EYS: variants seen among roughly 807,000 people sequenced by gnomAD.
The protein encoded by EYS is protein eyes shut homolog.
EYS carries 250 observed loss-of-function variants against 282.1 expected under a neutral mutation model. The observed-to-expected ratio is 0.89, with a 90% CI of 0.80 to 0.98. The LOEUF (loss-of-function observed/expected upper bound fraction) is 0.98. Ranked by LOEUF, EYS falls within the 50% of genes least tolerant of loss-of-function variation. EYS has a pLI of 0.00. For synonymous variants in EYS, 1,355 were observed against 1,282.9 expected (o/e 1.06, Z -1.20); for missense variants, 4,016 against 3,709.0 (o/e 1.08, Z -2.15).
rs1773716850 is a variant in EYS, at chr6:63,903,994, C to T, written c.7056-39636G>A. Among the ~76,000 whole-genome samples, 4 of 152,286 alleles carry T rather than the reference C, an allele frequency of 2.6e-5. No homozygotes were observed. In the Middle Eastern group the frequency reaches 0.01, roughly 388 times the overall value. ...TTTCTACATATAGCCCTCCTCCTGC[C>T]AAAAGCTTACTTTAAGGCAAAGATA... On this transcript the variant is annotated intron_variant, in intron 35 of 42. Transcript: ENST00000503581.
chr6:65,706,180 T>A (rs1441576655), intron 1 of EYS, among the ~76,000 whole-genome samples: 2 of 150,108 alleles, frequency 1.3e-5, no homozygotes, highest in Non-Finnish European at 3.0e-5. Flanking sequence ...ATGATATAGA[T>A]GATATGAGTA....
intron 12 of EYS, among the ~76,000 whole-genome samples, chr6:65,192,332 A>AGTGTG (rs1765663348): frequency 1.0e-5 from 1 of 97,448 alleles, no homozygotes; most frequent in Non-Finnish European, 2.2e-5. Flanking sequence ...TGTGTGTATA[A>AGTGTG]TGTGTGGTAT....
At chr6:63,765,714 G>T (rs1769771392) in intron 40 of EYS, among the ~76,000 whole-genome samples, 1 of 151,948 alleles carries the variant, frequency 6.6e-6, no homozygotes, top group South Asian at 2.1e-4. Context: ...TAGTCACCCT[G>T]TTGTGCTATC....
At chr6:65,422,938 T>C (rs1427229256) in intron 5 of EYS, among the ~76,000 whole-genome samples, 1 of 151,694 alleles carries the variant, frequency 6.6e-6, no homozygotes, top group Non-Finnish European at 1.5e-5. Context: ...AAACTTAAAA[T>C]TACCTAAATT....
chr6:63,909,018 G>A (rs12529599), intron 35 of EYS, among the ~76,000 whole-genome samples: 1 of 151,750 alleles, frequency 6.6e-6, no homozygotes, highest in Non-Finnish European at 1.5e-5. Flanking sequence ...CTGGATTATT[G>A]GCTGTGCTTA....
intron 10 of EYS, among the ~76,000 whole-genome samples, chr6:65,337,944 C>T (rs1226642753): frequency 6.6e-6 from 1 of 150,596 alleles, no homozygotes; most frequent in Non-Finnish European, 1.5e-5. Flanking sequence ...ATGTGCTTTC[C>T]CTTTTATTTT....
intron 22 of EYS, among the ~76,000 whole-genome samples, chr6:64,812,037 G>T (rs747237479): frequency 6.6e-6 from 1 of 151,856 alleles, no homozygotes; most frequent in Non-Finnish European, 1.5e-5. Flanking sequence ...AGAAATATAC[G>T]TTCAATTTAT....
In EYS at chr6:63,788,272, A is replaced by G. The variant is rs1408361653; in HGVS notation, c.7579-23T>C. On this transcript the variant is annotated intron_variant, in intron 38 of 42. Coordinates refer to ENST00000503581, the MANE Select transcript of EYS (RefSeq NM_001142800.2). ...TACCTTCGAAAGGGAAAAAAAACCT[A>G]TTAAAAAAGGAATTAATTCCCCAGG... 2.0e-6 allele frequency: 3 copies of G among 1,501,412 alleles called. No individual in the cohort carries two copies. The African/African-American group carries it at 4.3e-5, about 21-fold the overall frequency. The allele number at this position is 1,501,412 out of a possible 1,614,324, so 93.0% of individuals were successfully genotyped here. A position where few individuals can be genotyped will look rare whatever the true frequency, so the allele number is the denominator to read the frequency against.
chr6:65,557,491 G>C (rs1768862772), intron 2 of EYS, among the ~76,000 whole-genome samples: 1 of 152,212 alleles, frequency 6.6e-6, no homozygotes, highest in Non-Finnish European at 1.5e-5. Flanking sequence ...TCCAGAGGAG[G>C]AGAACGCAGT....
At chr6:65,038,719 G>T (rs982925833) in intron 13 of EYS, among the ~76,000 whole-genome samples, 6 of 151,324 alleles carry the variant, frequency 4.0e-5, no homozygotes, top group African/African-American at 1.5e-4. Context: ...CAGTGTGTGA[G>T]ACTTTGAGTT....
intron 28 of EYS, among the ~76,000 whole-genome samples, chr6:64,399,519 C>T (rs1339340922): frequency 6.6e-6 from 1 of 151,602 alleles, no homozygotes; most frequent in Non-Finnish European, 1.5e-5. Context: ...TCATCTCACC[C>T]TTGTTTAGTT....
chr6:64,832,065 G>A (rs9445424), intron 19 of EYS, among the ~76,000 whole-genome samples: 44,189 of 151,642 alleles, frequency 0.29, 6,830 homozygotes, highest in African/African-American at 0.4. Context: ...GACAATAGAA[G>A]TAACAGTTTA....
intron 2 of EYS, among the ~76,000 whole-genome samples, chr6:65,523,330 T>G (rs1463793255): frequency 6.6e-6 from 1 of 152,074 alleles, no homozygotes; most frequent in Non-Finnish European, 1.5e-5. Context: ...ACAGACAGAA[T>G]GGCGTACTAT....
intron 29 of EYS, among the ~76,000 whole-genome samples, chr6:64,309,510 C>T (rs1769588827): frequency 6.6e-6 from 1 of 152,152 alleles, no homozygotes; most frequent in Non-Finnish European, 1.5e-5. Flanking sequence ...CACACATTAT[C>T]TTTTTGCAGT....
intron 13 of EYS, among the ~76,000 whole-genome samples, chr6:65,023,467 T>C (rs959370578): frequency 6.6e-6 from 1 of 152,162 alleles, no homozygotes; most frequent in African/African-American, 2.4e-5. Flanking sequence ...ATTGTAGTGT[T>C]TGTTTTGTGT....
At chr6:64,443,836 T>C (rs1033919857) in intron 26 of EYS, among the ~76,000 whole-genome samples, 2 of 152,170 alleles carry the variant, frequency 1.3e-5, no homozygotes, top group African/African-American at 4.8e-5. Flanking sequence ...AATAAAACTC[T>C]TTCTTTTGTA....
rs1265596115 is a variant in EYS, at chr6:64,874,058, A to G, written c.2992+12639T>C. Among the ~76,000 whole-genome samples the G allele has an allele frequency of 4.6e-5, 7 of 152,054 alleles. No individual in the cohort carries two copies. The East Asian group carries it at 1.3e-3, about 29-fold the overall frequency. On this transcript the variant is annotated intron_variant, in intron 19 of 42. Transcript: ENST00000503581. Reference sequence around the variant, plus strand: ...TTTAAGTGTCTTTAAGATTTCTTTAAATTTGACCAGTTTGTATGAAACCAC... The same window carrying G: ...TTTAAGTGTCTTTAAGATTTCTTTAGATTTGACCAGTTTGTATGAAACCAC...
intron 2 of EYS, among the ~76,000 whole-genome samples, chr6:65,634,122 C>T (rs1767009673): frequency 6.6e-6 from 1 of 152,228 alleles, no homozygotes; most frequent in African/African-American, 2.4e-5. Context: ...TTTGCTTCTT[C>T]CAACCTGTAT....
intron 22 of EYS, among the ~76,000 whole-genome samples, chr6:64,744,051 A>G (rs1360936750): frequency 2.6e-5 from 4 of 152,162 alleles, no homozygotes; most frequent in Non-Finnish European, 5.9e-5. Context: ...ACATTAAAAT[A>G]TTGATGAAAT....
Sources: allele counts gnomAD v4.1 joint callset (sites outside exome capture counted in the v4.1 genomes callset), GRCh38; gene constraint gnomAD v4.1.1; transcripts MANE v1.5; gene names NCBI Gene and HGNC (gene_info 2026-07-23, HGNC 2026-07-21).